Variants in MYO5B observed in about 807,000 individuals in gnomAD.
MYO5B encodes unconventional myosin-Vb.
In MYO5B, 143 loss-of-function variants were observed where a neutral mutation model predicts 229.3. The ratio of observed to expected loss-of-function variants is 0.62; its 90% CI spans 0.54 to 0.72. The LOEUF is 0.72. MYO5B is among the 30% of genes least tolerant of loss of function. The pLI is 0.00. For missense variants in MYO5B, 2,321 were observed against 2,331.0 expected, an observed-to-expected ratio of 1.00 and a Z score of 0.09; for synonymous variants, 918 against 885.2, an observed-to-expected ratio of 1.04 and a Z score of -0.66.
At chr18:49,910,268 C>T (rs1414602496) in intron 18 of MYO5B, among the ~76,000 whole-genome samples, 1 of 152,086 alleles carries the variant, frequency 6.6e-6, no homozygotes, top group African/African-American at 2.4e-5. Flanking sequence ...TGATCCGGGT[C>T]CCCTCCAGAG....
At chr18:50,063,622 T>C (rs769494208) in intron 1 of MYO5B, among the ~76,000 whole-genome samples, 6 of 152,176 alleles carry the variant, frequency 3.9e-5, no homozygotes, top group African/African-American at 9.7e-5. Flanking sequence ...GGTAACTGCA[T>C]AGTCACATAG....
chr18:49,952,345 ACC>A (rs1047033879), intron 14 of MYO5B, among the ~76,000 whole-genome samples: 3 of 94,290 alleles, frequency 3.2e-5, no homozygotes, highest in Non-Finnish European at 6.4e-5. Context: ...AATTTCCCCC[ACC>A]CCCGGCCCTG....
chr18:50,014,136 G>A (rs1055617555), intron 4 of MYO5B, among the ~76,000 whole-genome samples: 2 of 152,154 alleles, frequency 1.3e-5, no homozygotes, highest in Non-Finnish European at 2.9e-5. Context: ...GGTGGGCAGT[G>A]TTAGGAAGAG....
At chr18:49,836,263 G>A (rs565422826) in intron 38 of MYO5B, among the ~76,000 whole-genome samples, 1 of 152,282 alleles carries the variant, frequency 6.6e-6, no homozygotes, top group East Asian at 1.9e-4. Context: ...ATATAAATGA[G>A]TGTGAGTGAA....
intron 27 of MYO5B, among the ~76,000 whole-genome samples, chr18:49,867,806 A>G (rs562227191): frequency 4.6e-5 from 7 of 152,364 alleles, no homozygotes; most frequent in Non-Finnish European, 8.8e-5. Flanking sequence ...CGTGTTCCAT[A>G]AAACAAGCTA....
At chr18:50,020,591 C>T (rs761389801) in intron 4 of MYO5B, among the ~76,000 whole-genome samples, 1 of 152,164 alleles carries the variant, frequency 6.6e-6, no homozygotes, top group African/African-American at 2.4e-5. Context: ...AATCATTTAC[C>T]TACAATGACC....
chr18:50,069,074 G>C (rs2030890548), intron 1 of MYO5B, among the ~76,000 whole-genome samples: 3 of 152,074 alleles, frequency 2.0e-5, no homozygotes, highest in Admixed American at 2.0e-4. Flanking sequence ...AAGGCTCCCA[G>C]GAGGATCAGT....
At chr18:50,013,773 G>A (rs1425720984) in intron 4 of MYO5B, among the ~76,000 whole-genome samples, 3 of 152,176 alleles carry the variant, frequency 2.0e-5, no homozygotes, top group Non-Finnish European at 2.9e-5. Context: ...TTCTGACAAC[G>A]TGAGGCAGGT....
chr18:49,852,521 T>C (rs1418597166), intron 31 of MYO5B, among the ~76,000 whole-genome samples: 1 of 152,160 alleles, frequency 6.6e-6, no homozygotes, highest in Non-Finnish European at 1.5e-5. Flanking sequence ...TCAAGTGAAC[T>C]GGCCACCCAA....
intron 4 of MYO5B, among the ~76,000 whole-genome samples, chr18:50,036,528 A>G (rs1380495867): frequency 1.3e-5 from 2 of 152,190 alleles, no homozygotes; most frequent in African/African-American, 4.8e-5. Flanking sequence ...CAAATGAATT[A>G]TATTATACCA....
intron 28 of MYO5B, 126 bp downstream of exon 28, chr18:49,864,015 C>A: frequency 7.1e-7 from 1 of 1,416,678 alleles, no homozygotes; most frequent in South Asian, 1.3e-5. Flanking sequence ...TTGGAGGAGA[C>A]CCCACAGCGA....
chr18:49,963,857 A>C (rs1019161598), intron 10 of MYO5B, among the ~76,000 whole-genome samples: 1 of 152,196 alleles, frequency 6.6e-6, no homozygotes, highest in Non-Finnish European at 1.5e-5. Context: ...AGACCTGGGA[A>C]GTGCAATGGT....
rs749012486 is a variant in MYO5B at position 50,069,307 on chromosome 18, T to C, written c.28-13929A>G. 9.0e-4 allele frequency among the ~76,000 whole-genome samples: 137 copies of C among 152,204 alleles called. 1 individual carries two copies. Among genetic ancestry groups the C allele is most frequent in the Non-Finnish European group, 1.7e-3 (116 of 68,044 alleles). On this transcript the variant is annotated intron_variant, in intron 1 of 39. Coordinates refer to ENST00000285039, the MANE Select transcript of MYO5B (RefSeq NM_001080467.3). ...TCTTATTTGGGTTAACGCTGAGCTC[T>C]GGAGTCTGTTTTCACTGCTGACGTA...
In MYO5B at chr18:49,895,148, C is replaced by T; in HGVS notation, c.2838G>A (p.Glu946=). ...EQNKEFKTLS[E]QLSVTTSTYT... The stretch of plus-strand genomic sequence containing the variant: ...ATGTTGAGGTGGTCACGGACAACTG[C>T]TCTGAAAGTGTCTTGAACTCTTTGT... The change falls in exon 22 of 40, where the codon GAG becomes GAA. Residue 946 remains glutamate (E), a synonymous_variant. Coordinates refer to ENST00000285039, the MANE Select transcript of MYO5B (RefSeq NM_001080467.3). 1 of 1,614,038 alleles carries T rather than the reference C, an allele frequency of 6.2e-7. No homozygotes were observed. The highest frequency in any genetic ancestry group is 1.1e-5 in the South Asian group (1 of 91,082).
intron 4 of MYO5B, among the ~76,000 whole-genome samples, chr18:50,025,924 G>A (rs2026326024): frequency 6.6e-6 from 1 of 152,150 alleles, no homozygotes; most frequent in Non-Finnish European, 1.5e-5. Context: ...CTGTGAACAT[G>A]CTTACAGTTT....
chr18:50,114,644 C>T (rs112798037), intron 1 of MYO5B, among the ~76,000 whole-genome samples: 4 of 152,340 alleles, frequency 2.6e-5, no homozygotes, highest in African/African-American at 9.6e-5. Flanking sequence ...CCTCGACACA[C>T]GCTGCTCCAG....
At chr18:49,902,036 G>A (rs1421080488) in intron 21 of MYO5B, among the ~76,000 whole-genome samples, 2 of 152,256 alleles carry the variant, frequency 1.3e-5, no homozygotes, top group Non-Finnish European at 2.9e-5. Context: ...TTGGGCTAGT[G>A]TGTCAGTTTC....
intron 1 of MYO5B, among the ~76,000 whole-genome samples, chr18:50,112,863 T>C (rs779569741): frequency 2.0e-5 from 3 of 152,236 alleles, no homozygotes; most frequent in Non-Finnish European, 4.4e-5. Context: ...CACAGCAACG[T>C]ATTTTAAAAA....
intron 1 of MYO5B, among the ~76,000 whole-genome samples, chr18:50,165,285 A>G (rs2032829559): frequency 6.6e-6 from 1 of 151,934 alleles, no homozygotes; most frequent in Non-Finnish European, 1.5e-5. Flanking sequence ...GAGTTTGAGA[A>G]CAGCCTGGGC....
Sources: gnomAD v4.1 joint callset for allele counts (sites outside exome capture counted in the v4.1 genomes callset) on GRCh38, gnomAD v4.1.1 for gene constraint, MANE v1.5 for transcripts, NCBI Gene and HGNC (gene_info 2026-07-23, HGNC 2026-07-21) for gene names.